The following TENM3 variants were observed in gnomAD, a reference collection of about 807,000 sequenced individuals.
TENM3 encodes teneurin transmembrane protein 3.
In TENM3, 63 loss-of-function variants were observed where a neutral mutation model predicts 255.1. The observed-to-expected ratio is 0.25, with a 90% confidence interval of 0.20 to 0.30. TENM3 has a LOEUF of 0.30. Among genes scored for constraint, TENM3 ranks in the 10% least tolerant of loss-of-function variants. The pLI is 1.00. For synonymous variants in TENM3, 1,306 were observed against 1,322.3 expected, an observed-to-expected ratio of 0.99 and a Z score of 0.27; for missense variants, 2,929 against 3,461.1, an observed-to-expected ratio of 0.85 and a Z score of 3.86.
At chr4:182,094,639 T>C in the TENM3 span, among the ~76,000 whole-genome samples, 1 of 152,120 alleles carries the variant, frequency 6.6e-6, no homozygotes, top group Admixed American at 6.6e-5. Flanking sequence ...AATGTTATGA[T>C]AAGATGAGAA....
intron 6 of TENM3, among the ~76,000 whole-genome samples, chr4:182,656,747 T>C (rs896998150): frequency 1.4e-4 from 21 of 152,340 alleles, no homozygotes; most frequent in African/African-American, 4.8e-4. Flanking sequence ...TTTACTCTTA[T>C]TTTGTAAATA....
chr4:181,455,063 C>T, the TENM3 span, among the ~76,000 whole-genome samples: 1 of 151,930 alleles, frequency 6.6e-6, no homozygotes, highest in Admixed American at 6.6e-5. Context: ...CTTGTATCCC[C>T]CTCACCTGAA....
At chr4:182,652,699 G>A (rs6815360) in intron 5 of TENM3, among the ~76,000 whole-genome samples, 1 of 152,158 alleles carries the variant, frequency 6.6e-6, no homozygotes, top group African/African-American at 2.4e-5. Context: ...CTTTTTGACA[G>A]TGGTAGTCAT....
At chr4:181,951,801 A>G in the TENM3 span, among the ~76,000 whole-genome samples, 3 of 152,240 alleles carry the variant, frequency 2.0e-5, no homozygotes, top group Non-Finnish European at 4.4e-5. Flanking sequence ...ACGAGAGAGA[A>G]CAGAATATGT....
intron 3 of TENM3, among the ~76,000 whole-genome samples, chr4:182,353,377 G>T (rs1765308028): frequency 6.6e-6 from 1 of 152,068 alleles, no homozygotes; most frequent in Non-Finnish European, 1.5e-5. Context: ...GGTCATTTCT[G>T]GCATGGTCTC....
At chr4:181,457,185 G>T in the TENM3 span, among the ~76,000 whole-genome samples, 1 of 151,620 alleles carries the variant, frequency 6.6e-6, no homozygotes, top group Non-Finnish European at 1.5e-5. Context: ...TAGTGAAAGT[G>T]GTATTTCAAA....
At chr4:182,541,578 A>G (rs1366046877) in intron 3 of TENM3, among the ~76,000 whole-genome samples, 1 of 152,216 alleles carries the variant, frequency 6.6e-6, no homozygotes, top group Non-Finnish European at 1.5e-5. Context: ...GTGGCTTAAC[A>G]TGCATTATCT....
intron 3 of TENM3, among the ~76,000 whole-genome samples, chr4:182,576,845 T>C (rs1744974647): frequency 6.6e-6 from 1 of 152,224 alleles, no homozygotes; most frequent in Non-Finnish European, 1.5e-5. Flanking sequence ...GACCTTATCA[T>C]GTATTTGCTT....
the TENM3 span, among the ~76,000 whole-genome samples, chr4:181,576,785 A>ATTTTTC: frequency 4.0e-5 from 5 of 125,882 alleles, no homozygotes; most frequent in Non-Finnish European, 8.6e-5. Context: ...TCCTTTCCGG[A>ATTTTTC]TTTTTCTTTT....
At chr4:181,702,660 G>C in the TENM3 span, among the ~76,000 whole-genome samples, 1 of 152,168 alleles carries the variant, frequency 6.6e-6, no homozygotes, top group East Asian at 1.9e-4. Flanking sequence ...TAAAAATCCA[G>C]CCAATAATAA....
the TENM3 span, among the ~76,000 whole-genome samples, chr4:182,112,170 G>C: frequency 1.3e-5 from 2 of 152,018 alleles, no homozygotes; most frequent in South Asian, 2.1e-4. Context: ...AATAAAAAAT[G>C]AATGACTACA....
At chr4:182,220,665 T>C (rs1561212455) in intron 1 of TENM3, among the ~76,000 whole-genome samples, 2 of 152,218 alleles carry the variant, frequency 1.3e-5, no homozygotes, top group Non-Finnish European at 1.5e-5. Context: ...TATTTTCTTA[T>C]GGATGGAAAG....
the TENM3 span, among the ~76,000 whole-genome samples, chr4:181,705,461 G>T: frequency 6.6e-6 from 1 of 152,196 alleles, no homozygotes; most frequent in African/African-American, 2.4e-5. Flanking sequence ...CTTCCAGCTT[G>T]CTGCTGCCTA....
At chr4:181,870,186 A>G in the TENM3 span, among the ~76,000 whole-genome samples, 1 of 152,198 alleles carries the variant, frequency 6.6e-6, no homozygotes, top group African/African-American at 2.4e-5. Flanking sequence ...ACTCTTGAAT[A>G]GTATTTCATT....
the TENM3 span, among the ~76,000 whole-genome samples, chr4:181,552,939 C>T: frequency 2.0e-5 from 3 of 152,134 alleles, no homozygotes; most frequent in Non-Finnish European, 4.4e-5. Flanking sequence ...CAGACACGCA[C>T]GCACCACACA....
intron 3 of TENM3, among the ~76,000 whole-genome samples, chr4:182,580,717 C>T (rs1169508459): frequency 6.6e-6 from 1 of 152,200 alleles, no homozygotes; most frequent in East Asian, 1.9e-4. Flanking sequence ...CCTGTTTCAA[C>T]TCAGTGCCAG....
At chr4:181,888,523 T>TAC in the TENM3 span, among the ~76,000 whole-genome samples, 437 of 94,356 alleles carry the variant, frequency 4.6e-3, 19 homozygotes, top group African/African-American at 0.022. Flanking sequence ...TATGTATATA[T>TAC]ATACATATAT....
chr4:181,456,125 A>ATGTGTGTGTGTGTG, the TENM3 span, among the ~76,000 whole-genome samples: 58 of 62,290 alleles, frequency 9.3e-4, no homozygotes, highest in African/African-American at 2.7e-3. Flanking sequence ...ATATATATAT[A>ATGTGTGTGTGTGTG]TATGTGTGTG....
At chr4:182,650,252 G>A (rs537696205) in intron 5 of TENM3, among the ~76,000 whole-genome samples, 5 of 150,144 alleles carry the variant, frequency 3.3e-5, no homozygotes, top group South Asian at 4.4e-4. Flanking sequence ...TGGCTTGTAC[G>A]TCTTCACCTG....
Sources: allele counts gnomAD v4.1 joint callset (sites outside exome capture counted in the v4.1 genomes callset), GRCh38; gene constraint gnomAD v4.1.1; transcripts MANE v1.5; gene names NCBI Gene and HGNC (gene_info 2026-07-23, HGNC 2026-07-21).